The following TENM2 variants were observed in gnomAD, a reference collection of about 807,000 sequenced individuals.
TENM2 encodes teneurin transmembrane protein 2.
A neutral mutation model predicts 245.2 loss-of-function variants in TENM2; 52 were observed. The observed-to-expected ratio is 0.21, with a 90% CI of 0.17 to 0.27. TENM2 has a LOEUF of 0.27. Among genes scored for constraint, TENM2 ranks in the 10% least tolerant of loss-of-function variants. The probability of loss-of-function intolerance (pLI) is 1.00; values close to 1 mark genes in which losing one functional copy is unlikely to be tolerated. For missense variants in TENM2, 3,046 were observed against 3,666.8 expected, an observed-to-expected ratio of 0.83 and a Z score of 4.37; for synonymous variants, 1,363 against 1,438.9, an observed-to-expected ratio of 0.95 and a Z score of 1.19.
intron 12 of TENM2, among the ~76,000 whole-genome samples, chr5:168,135,433 A>G (rs1318198011): frequency 6.6e-6 from 1 of 152,198 alleles, no homozygotes; most frequent in African/African-American, 2.4e-5. Context: ...TTGCCTTTGG[A>G]AAATAGAATG....
At chr5:167,237,551 A>T in the TENM2 span, among the ~76,000 whole-genome samples, 28 of 152,212 alleles carry the variant, frequency 1.8e-4, no homozygotes, top group Non-Finnish European at 1.5e-5. Flanking sequence ...TTTAATGAAC[A>T]TTTAAAAGAA....
At chr5:168,264,083 G>C (rs1342689758), downstream of TENM2, 1 of 152,340 alleles carries the variant, frequency 6.6e-6, no homozygotes, top group African/African-American at 2.4e-5. Flanking sequence ...CAAAGACTAG[G>C]GACAGGCAAA....
At chr5:168,158,827 G>A (rs189517255) in intron 12 of TENM2, among the ~76,000 whole-genome samples, 20,715 of 67,240 alleles carry the variant, frequency 0.31, 2,982 homozygotes, top group Non-Finnish European at 0.34. Flanking sequence ...GTGTGTGTGT[G>A]TGTATATATA....
At chr5:167,052,411 T>C in the TENM2 span, among the ~76,000 whole-genome samples, 2 of 152,192 alleles carry the variant, frequency 1.3e-5, no homozygotes, top group Non-Finnish European at 2.9e-5. Context: ...TTTATGGTGT[T>C]ATGGGTACTC....
At chr5:167,099,118 T>G in the TENM2 span, among the ~76,000 whole-genome samples, 4 of 152,136 alleles carry the variant, frequency 2.6e-5, no homozygotes, top group African/African-American at 9.7e-5. Context: ...CAACTAGCCT[T>G]GTATATCCAG....
chr5:167,660,464 C>CAAAAAAAAAAAAAAA, intron 2 of TENM2: 1 of 33,168 alleles, frequency 3.0e-5, no homozygotes, highest in Non-Finnish European at 7.5e-5. Context: ...GGCTGTGTCT[C>CAAAAAAAAAAAAAAA]AAAAAAAAAA....
the TENM2 span, among the ~76,000 whole-genome samples, chr5:167,042,757 C>T: frequency 6.6e-6 from 1 of 152,176 alleles, no homozygotes; most frequent in Non-Finnish European, 1.5e-5. Context: ...TTATGCCTTT[C>T]TACTTATATC....
the TENM2 span, among the ~76,000 whole-genome samples, chr5:167,278,453 C>G: frequency 1.3e-5 from 2 of 152,022 alleles, no homozygotes; most frequent in Non-Finnish European, 2.9e-5. Context: ...TAAGTTTGCC[C>G]TTTTATTTTT....
At chr5:168,200,962 T>C (rs1761884958) in intron 17 of TENM2, among the ~76,000 whole-genome samples, 1 of 152,208 alleles carries the variant, frequency 6.6e-6, no homozygotes, top group Non-Finnish European at 1.5e-5. Context: ...CTCAGAAATT[T>C]TCACTATAAT....
intron 2 of TENM2, among the ~76,000 whole-genome samples, chr5:167,835,078 C>T (rs80331206): frequency 0.076 from 11,543 of 152,248 alleles, 511 homozygotes; most frequent in African/African-American, 0.12. Flanking sequence ...CCTCTCTGAG[C>T]ATGTAGTACT....
chr5:167,069,784 T>A, the TENM2 span, among the ~76,000 whole-genome samples: 1 of 152,188 alleles, frequency 6.6e-6, no homozygotes, highest in South Asian at 2.1e-4. Flanking sequence ...TTTGTAATGA[T>A]GCTAAAAAAT....
chr5:167,570,690 C>T (rs897149307), intron 2 of TENM2, among the ~76,000 whole-genome samples: 5 of 152,156 alleles, frequency 3.3e-5, no homozygotes, highest in African/African-American at 1.2e-4. Flanking sequence ...TCATGTGTTT[C>T]AGCACAACTA....
At chr5:167,327,538 A>G (rs2127783155) in intron 1 of TENM2, among the ~76,000 whole-genome samples, 1 of 152,324 alleles carries the variant, frequency 6.6e-6, no homozygotes, top group Middle Eastern at 3.4e-3. Context: ...TACCAGTTGA[A>G]TAAATTGTTG....
the TENM2 span, among the ~76,000 whole-genome samples, chr5:167,105,289 A>G: frequency 6.6e-6 from 1 of 152,204 alleles, no homozygotes; most frequent in South Asian, 2.1e-4. Context: ...GTTCTTGAAC[A>G]TATCCATAAT....
chr5:168,056,573 G>T (rs1210586322), intron 6 of TENM2, among the ~76,000 whole-genome samples: 1 of 152,160 alleles, frequency 6.6e-6, no homozygotes, highest in Non-Finnish European at 1.5e-5. Flanking sequence ...CATCTTAGCT[G>T]TCCAAATGTT....
the TENM2 span, among the ~76,000 whole-genome samples, chr5:167,073,916 A>G: frequency 6.6e-6 from 1 of 152,280 alleles, no homozygotes; most frequent in South Asian, 2.1e-4. Context: ...GGTGTTCTCC[A>G]TATATTTCGA....
chr5:167,902,468 C>T (rs970426725), intron 3 of TENM2, among the ~76,000 whole-genome samples: 5 of 152,102 alleles, frequency 3.3e-5, no homozygotes, highest in East Asian at 1.9e-4. Context: ...CCAGCCTCCT[C>T]GGCCCCTAGC....
rs531302006 is a variant in TENM2, at chr5:167,446,403, G to T, written c.502+70930G>T. ...AGTGGCCCAGCACCCCATTTTCTCT[G>T]TTTGGCATTGATTAAATCACTCCTT... On this transcript the variant is annotated intron_variant, in intron 2 of 28. Transcript: ENST00000518659. Among the ~76,000 whole-genome samples the T allele has an allele frequency of 2.0e-5, 3 of 152,216 alleles. No homozygotes were observed. The East Asian group carries it at 5.8e-4, about 29-fold the overall frequency.
intron 5 of TENM2, among the ~76,000 whole-genome samples, chr5:168,036,735 G>A (rs924465336): frequency 1.8e-4 from 24 of 131,646 alleles, no homozygotes; most frequent in Non-Finnish European, 1.9e-4. Flanking sequence ...ATATATATAC[G>A]TATGTGTATA....
Sources: gnomAD v4.1 joint callset for allele counts (sites outside exome capture counted in the v4.1 genomes callset) on GRCh38, gnomAD v4.1.1 for gene constraint, MANE v1.5 for transcripts, NCBI Gene and HGNC (gene_info 2026-07-23, HGNC 2026-07-21) for gene names.